NXNL2: variants seen among roughly 807,000 people sequenced by gnomAD.
The protein encoded by NXNL2 is nucleoredoxin-like protein 2.
A neutral mutation model predicts 11.1 loss-of-function variants in NXNL2; 7 were observed. That is an observed-to-expected ratio of 0.63 (90% CI 0.36 to 1.18). The LOEUF (loss-of-function observed/expected upper bound fraction) is 1.18. Among genes scored for constraint, NXNL2 ranks in the 50% most tolerant of loss-of-function variants. The probability of loss-of-function intolerance (pLI) is 0.02; values close to 1 mark genes in which losing one functional copy is unlikely to be tolerated. For missense variants in NXNL2, 233 were observed against 217.7 expected (o/e 1.07, Z -0.44); for synonymous variants, 109 against 101.8 (o/e 1.07, Z -0.42).
downstream of NXNL2, among the ~76,000 whole-genome samples, chr9:88,548,418 C>T (rs1322441056): frequency 8.2e-6 from 1 of 121,246 alleles, no homozygotes; most frequent in African/African-American, 3.0e-5. Context: ...AATCCTAGCA[C>T]TTTTGGAGGC....
intron 1 of NXNL2, among the ~76,000 whole-genome samples, chr9:88,557,066 G>A (rs767905970): frequency 5.2e-4 from 66 of 126,230 alleles, no homozygotes; most frequent in Non-Finnish European, 6.9e-4. Context: ...AGGTGACAGA[G>A]TGAGACTCCA....
intron 1 of NXNL2, among the ~76,000 whole-genome samples, chr9:88,544,148 G>C (rs935912759): frequency 4.6e-5 from 7 of 152,146 alleles, no homozygotes; most frequent in African/African-American, 1.7e-4. Context: ...TCTAGCCTGG[G>C]CGACAAGAAC....
Position 88,564,313 on chromosome 9 carries a change from CT to C in NXNL2, c.303-6773del, listed in dbSNP as rs1471298975. Among the ~76,000 whole-genome samples the C allele has an allele frequency of 2.3e-4, 34 of 148,568 alleles. No individual in the cohort carries two copies. In the South Asian group the frequency reaches 6.1e-3, roughly 27 times the overall value. On this transcript the variant is annotated intron_variant, in intron 1 of 2. Coordinates refer to the NXNL2 transcript ENST00000375855. ...TCTATCTATCTATCTATCTATCTAT[CT>C]ATCTATCTATCGTCTATTTATAGCT... is the stretch of plus-strand genomic sequence containing the variant.
rs769968251 is a variant in NXNL2 at position 88,535,470 on chromosome 9, C to CT, written c.37dup (p.Cys13LeufsTer2). 3.1e-6 allele frequency: 5 copies of CT among 1,608,214 alleles called. No homozygotes were observed. The South Asian group carries it at 5.5e-5, about 18-fold the overall frequency. ...TTCTGGGCGAGCGGCACCTGGTGAC[C>CT]TGTAAGGGCGCGACGGTGGAGGCCG... is the stretch of plus-strand genomic sequence containing the variant. On this transcript the variant is annotated frameshift_variant, in exon 1 of 2. Transcript: ENST00000375854. LOFTEE classifies it high-confidence loss of function.
chr9:88,561,966 C>T (rs1344193618), intron 1 of NXNL2, among the ~76,000 whole-genome samples: 1 of 152,136 alleles, frequency 6.6e-6, no homozygotes, highest in East Asian at 1.9e-4. Flanking sequence ...CCAACGGATC[C>T]TATGTTACCC....
At chr9:88,552,698 T>C (rs1829955831) in intron 1 of NXNL2, among the ~76,000 whole-genome samples, 1 of 152,140 alleles carries the variant, frequency 6.6e-6, no homozygotes, top group Non-Finnish European at 1.5e-5. Flanking sequence ...CTCAATCTCC[T>C]GACCTCGTGA....
rs1158988853 is a variant in NXNL2 at position 88,561,394 on chromosome 9, CT to C, written c.303-9691del. The stretch of plus-strand genomic sequence containing the variant: ...AATCTTGTGATTGTGTAAATTAATA[CT>C]TAATAAACTCCTCTTTATCTATCAT... On this transcript the variant is annotated intron_variant, in intron 1 of 2. Transcript: ENST00000375855. Among the ~76,000 whole-genome samples the C allele has an allele frequency of 2.0e-5, 3 of 152,256 alleles. No homozygotes were observed. In the East Asian group the frequency reaches 5.8e-4, roughly 29 times the overall value.
chr9:88,572,212 T>A (rs1587856284), intron 2 of NXNL2, among the ~76,000 whole-genome samples: 1 of 152,302 alleles, frequency 6.6e-6, no homozygotes, highest in East Asian at 1.9e-4. Context: ...CGTGCACTCA[T>A]TCATTCACTC....
intron 1 of NXNL2, among the ~76,000 whole-genome samples, chr9:88,569,540 G>T (rs1830228270): frequency 6.6e-6 from 1 of 152,044 alleles, no homozygotes; most frequent in Non-Finnish European, 1.5e-5. Context: ...ATTTAATAAT[G>T]GCAGAGACAT....
intron 1 of NXNL2, among the ~76,000 whole-genome samples, chr9:88,540,756 G>A (rs1829739009): frequency 1.8e-5 from 2 of 112,284 alleles, no homozygotes; most frequent in South Asian, 9.9e-4. Flanking sequence ...TGTGTCCATT[G>A]GTTCTTTGGG....
chr9:88,573,913 C>T (rs1256790512), intron 2 of NXNL2, among the ~76,000 whole-genome samples: 1 of 152,172 alleles, frequency 6.6e-6, no homozygotes, highest in Non-Finnish European at 1.5e-5. Context: ...AAATCAAAGG[C>T]ACCGTGAGAT....
At chr9:88,577,438 C>T (rs1232752915), downstream of NXNL2, among the ~76,000 whole-genome samples, 1 of 152,050 alleles carries the variant, frequency 6.6e-6, no homozygotes, top group Non-Finnish European at 1.5e-5. Flanking sequence ...CTGCAGGTGC[C>T]AGCTCAGGCT....
At chr9:88,543,864 T>C (rs1033085278) in intron 1 of NXNL2, among the ~76,000 whole-genome samples, 8 of 152,048 alleles carry the variant, frequency 5.3e-5, no homozygotes, top group Admixed American at 3.3e-4. Context: ...TGGTGTGGAA[T>C]TGGGTTAGAA....
chr9:88,539,537 C>T (rs192826794), intron 1 of NXNL2, among the ~76,000 whole-genome samples: 344 of 152,340 alleles, frequency 2.3e-3, no homozygotes, highest in Middle Eastern at 0.014. Context: ...GCGAGCCCTG[C>T]CCTGTCCCAC....
At chr9:88,535,780 C>A (rs1289881734) in intron 1 of NXNL2, 44 bp downstream of exon 1, 1 of 1,457,956 alleles carries the variant, frequency 6.9e-7, no homozygotes. Flanking sequence ...CGGCACGTCT[C>A]CCCCATGTTC....
Position 88,535,409 on chromosome 9 carries a change from G to A in NXNL2, c.-26G>A. ...ATCATCCTCCTGCAGGTGTCCTCGG[G>A]TCTCAGGTGGCTGCGTGTCTGCGCC... On this transcript the variant is annotated 5_prime_UTR_variant, in exon 1 of 2. Coordinates refer to ENST00000375854, the MANE Select transcript of NXNL2 (RefSeq NM_001161625.2). 2 of 1,566,262 alleles carry A rather than the reference G, an allele frequency of 1.3e-6. No homozygotes were observed. The highest frequency in any genetic ancestry group is 1.7e-6 in the Non-Finnish European group (2 of 1,161,462).
chr9:88,543,890 C>G (rs1487741006), intron 1 of NXNL2, among the ~76,000 whole-genome samples: 1 of 152,206 alleles, frequency 6.6e-6, no homozygotes, highest in Non-Finnish European at 1.5e-5. Flanking sequence ...AGCACCAAGG[C>G]TGGGCGTGGT....
chr9:88,543,364 T>A (rs1829799361), intron 1 of NXNL2, among the ~76,000 whole-genome samples: 1 of 151,690 alleles, frequency 6.6e-6, no homozygotes, highest in African/African-American at 2.4e-5. Flanking sequence ...CCTCCTGGGC[T>A]CAAGCGATCC....
At chr9:88,573,194 A>G (rs1209630249) in intron 2 of NXNL2, among the ~76,000 whole-genome samples, 13 of 151,512 alleles carry the variant, frequency 8.6e-5, no homozygotes. Flanking sequence ...CCAAGGCTGG[A>G]GTGCAGTGGT....
Sources: gnomAD v4.1 joint callset for allele counts (sites outside exome capture counted in the v4.1 genomes callset) on GRCh38, gnomAD v4.1.1 for gene constraint, MANE v1.5 for transcripts, NCBI Gene and HGNC (gene_info 2026-07-23, HGNC 2026-07-21) for gene names.